The following MCCC2 variants were observed in gnomAD, a reference collection of about 807,000 sequenced individuals.
The protein encoded by MCCC2 is methylcrotonyl-CoA carboxylase subunit 2.
MCCC2 carries 52 observed loss-of-function variants against 77.2 expected under a neutral mutation model. The ratio of observed to expected loss-of-function variants is 0.67; its 90% CI spans 0.54 to 0.85. The LOEUF (loss-of-function observed/expected upper bound fraction) is 0.85, where lower values mean the gene tolerates loss of function less well. MCCC2 is among the 40% of genes least tolerant of loss of function. The probability of loss-of-function intolerance (pLI) is 0.00; values close to 1 mark genes in which losing one functional copy is unlikely to be tolerated. For synonymous variants in MCCC2, 253 were observed against 248.4 expected, an observed-to-expected ratio of 1.02 and a Z score of -0.18; for missense variants, 682 against 703.2, an observed-to-expected ratio of 0.97 and a Z score of 0.34.
In MCCC2 at chr5:71,612,362, G is replaced by T. The variant is rs556597174; in HGVS notation, c.624+7894G>T. Among the ~76,000 whole-genome samples, 67 of 152,186 alleles carry T rather than the reference G, an allele frequency of 4.4e-4. 1 individual carries two copies. The highest frequency in any genetic ancestry group is 1.6e-3 in the African/African-American group (67 of 41,494). ...TTTGATTTTTCTATCAACATAGTTGGTTGTAATTGTTTATGGTATATTTTA... is the reference window on the plus strand; with the variant it reads ...TTTGATTTTTCTATCAACATAGTTGTTTGTAATTGTTTATGGTATATTTTA... On this transcript the variant is annotated intron_variant, in intron 6 of 16. Coordinates refer to ENST00000340941, the MANE Select transcript of MCCC2 (RefSeq NM_022132.5).
In MCCC2 at chr5:71,608,783, G is replaced by A. The variant is rs1302276537; in HGVS notation, c.624+4315G>A. On this transcript the variant is annotated intron_variant, in intron 6 of 16. Coordinates refer to ENST00000340941, the MANE Select transcript of MCCC2 (RefSeq NM_022132.5). ...GGCCTGGTGGTGACAGAATCTCTCA[G>A]CATTTGCTTGTCTGTAAAGGATTTT... Among the ~76,000 whole-genome samples the A allele has an allele frequency of 1.3e-4, 20 of 152,182 alleles. No individual in the cohort carries two copies. The South Asian group carries it at 3.7e-3, about 28-fold the overall frequency.
chr5:71,633,999 A>T (rs771547424), intron 8 of MCCC2, among the ~76,000 whole-genome samples: 19 of 152,208 alleles, frequency 1.2e-4, no homozygotes, highest in Non-Finnish European at 2.5e-4. Context: ...CCCAGTCCTA[A>T]AGTAGAGTGT....
Position 71,656,923 on chromosome 5 carries a change from A to G in MCCC2, c.*63A>G. On this transcript the variant is annotated 3_prime_UTR_variant, in exon 17 of 17. Transcript: ENST00000340941. ...AAATTAACACATGTAGTAGCCTTAA[A>G]ATTTTAGACTTCTCGAACATGAGGC... 1 of 1,253,770 alleles carries G rather than the reference A, an allele frequency of 8.0e-7. No individual in the cohort carries two copies. The highest frequency in any genetic ancestry group is 1.2e-6 in the Non-Finnish European group (1 of 853,040). 77.7% of individuals were successfully genotyped at this position (1,253,770 alleles called of 1,614,324 possible).
intron 13 of MCCC2, among the ~76,000 whole-genome samples, 187 bp from the exon 14 acceptor site, chr5:71,648,910 T>C (rs1046976495): frequency 2.0e-5 from 3 of 152,258 alleles, no homozygotes; most frequent in Non-Finnish European, 4.4e-5. Flanking sequence ...AGAAAGTGAT[T>C]AGAGAAAATT....
rs886060738 is a variant in MCCC2, at chr5:71,652,752, A to T, written c.1572A>T (p.Ala524=). Residue 524 remains alanine (A), a splice_region_variant and synonymous_variant, in exon 16 of 17, where the codon GCA becomes GCT. Coordinates refer to ENST00000340941, the MANE Select transcript of MCCC2 (RefSeq NM_022132.5). ...EEEGNPYYSS[A]RVWDDGIIDP... Reference sequence around the variant, plus strand: ...AAGGAAACCCTTACTATTCCAGCGCAAGGTGGGGGCCAGAACATCACTAAC... The same window carrying T: ...AAGGAAACCCTTACTATTCCAGCGCTAGGTGGGGGCCAGAACATCACTAAC... The T allele has an allele frequency of 1.9e-6, 3 of 1,613,972 alleles. No individual in the cohort carries two copies. The highest frequency in any genetic ancestry group is 2.2e-5 in the East Asian group (1 of 44,886).
At chr5:71,597,660 A>G (rs915562079) in intron 3 of MCCC2, among the ~76,000 whole-genome samples, 6 of 152,190 alleles carry the variant, frequency 3.9e-5, no homozygotes, top group African/African-American at 1.4e-4. Context: ...GAAAACTCCC[A>G]AAGTATTTTT....
At chr5:71,641,169 C>A in intron 11 of MCCC2, 94 bp downstream of exon 11, 4 of 1,153,590 alleles carry the variant, frequency 3.5e-6, no homozygotes, top group Non-Finnish European at 5.2e-6. Context: ...TTGACATGGG[C>A]TTTGTTGTTG....
chr5:71,637,055 T>G (rs1746957899), intron 10 of MCCC2, among the ~76,000 whole-genome samples: 5 of 152,114 alleles, frequency 3.3e-5, no homozygotes, highest in African/African-American at 9.7e-5. Context: ...ATTAATACAT[T>G]CTTTTAAAAA....
chr5:71,607,275 A>G (rs1745720760), intron 6 of MCCC2, among the ~76,000 whole-genome samples: 1 of 152,058 alleles, frequency 6.6e-6, no homozygotes, highest in Non-Finnish European at 1.5e-5. Context: ...GTCTATTCAG[A>G]GATTCAACTT....
chr5:71,606,091 G>A (rs1456130315), intron 6 of MCCC2, among the ~76,000 whole-genome samples: 1 of 152,058 alleles, frequency 6.6e-6, no homozygotes, highest in African/African-American at 2.4e-5. Flanking sequence ...CTTTAAAGTA[G>A]TTTTTTCCAA....
Position 71,650,197 on chromosome 5 carries a change from T to C in MCCC2, c.1488+14T>C. On this transcript the variant is annotated intron_variant, in intron 15 of 16. Coordinates refer to ENST00000340941, the MANE Select transcript of MCCC2 (RefSeq NM_022132.5). Reference sequence around the variant, plus strand: ...GAAGGAAAGCAGGTCGGTGTCGTTTTCTCTTGTTTCTCTCTGGTTTTGCCT... The same window carrying C: ...GAAGGAAAGCAGGTCGGTGTCGTTTCCTCTTGTTTCTCTCTGGTTTTGCCT... 6.2e-7 allele frequency: 1 copy of C among 1,608,192 alleles called. No homozygotes were observed. Among genetic ancestry groups the C allele is most frequent in the Non-Finnish European group, 8.5e-7 (1 of 1,174,696 alleles).
chr5:71,650,007 G>A, intron 14 of MCCC2, 62 bp from the exon 15 acceptor site: 1 of 1,277,238 alleles, frequency 7.8e-7, no homozygotes, highest in Non-Finnish European at 1.1e-6. Context: ...GCAAACATGG[G>A]CCTCTGAAAA....
intron 7 of MCCC2, 39 bp downstream of exon 7, chr5:71,626,792 T>C (rs576125102): frequency 7.9e-6 from 12 of 1,510,224 alleles, no homozygotes; most frequent in African/African-American, 6.8e-5. Context: ...AAATTAAGTA[T>C]GCAGAACATA....
intron 6 of MCCC2, among the ~76,000 whole-genome samples, chr5:71,620,672 T>C (rs1348852751): frequency 1.3e-5 from 2 of 152,214 alleles, no homozygotes; most frequent in African/African-American, 4.8e-5. Flanking sequence ...TAGAGGGTAA[T>C]GAAATTCAAT....
At chr5:71,633,131 A>ATATATATT (rs1554137344) in intron 8 of MCCC2, among the ~76,000 whole-genome samples, 25 of 78,042 alleles carry the variant, frequency 3.2e-4, no homozygotes, top group African/African-American at 1.3e-3. Context: ...ATATATATAT[A>ATATATATT]TTTTTATTTT....
chr5:71,612,195 T>C (rs1210657002), intron 6 of MCCC2, among the ~76,000 whole-genome samples: 1 of 152,230 alleles, frequency 6.6e-6, no homozygotes, highest in Admixed American at 6.5e-5. Flanking sequence ...TGGATGTTTG[T>C]TATTCTGTAA....
At chr5:71,633,092 TA>T (rs1403372121) in intron 8 of MCCC2, among the ~76,000 whole-genome samples, 151 of 2,486 alleles carry the variant, frequency 0.061, 5 homozygotes, top group East Asian at 0.26. Flanking sequence ...TTTTCAGTTT[TA>T]TATATATATA....
In MCCC2 at chr5:71,646,287, T is replaced by C. The variant is rs777129152; in HGVS notation, c.1216+10T>C. 7.4e-6 allele frequency: 12 copies of C among 1,612,928 alleles called. No individual in the cohort carries two copies. The highest frequency in any genetic ancestry group is 2.2e-5 in the South Asian group (2 of 91,048). On this transcript the variant is annotated intron_variant, in intron 13 of 16. Coordinates refer to ENST00000340941, the MANE Select transcript of MCCC2 (RefSeq NM_022132.5). Reference sequence around the variant, plus strand: ...CTTCAAAACATTACTGGTAAGAAAATAGCTTAATCAGTTTGGTTGTATTGA... The same window carrying C: ...CTTCAAAACATTACTGGTAAGAAAACAGCTTAATCAGTTTGGTTGTATTGA...
In MCCC2 at chr5:71,604,355, G is replaced by A. The variant is rs1282502867; in HGVS notation, c.512-1G>A. The A allele has an allele frequency of 6.2e-7, 1 of 1,613,590 alleles. No homozygotes were observed. The highest frequency in any genetic ancestry group is 8.5e-7 in the Non-Finnish European group (1 of 1,179,512). On this transcript the variant is annotated splice_acceptor_variant, in intron 5 of 16. Transcript: ENST00000340941. LOFTEE classifies it high-confidence loss of function. ...TTATGTTTCTCATTTCTTGTCTTCAGTTGATTCGGGAGGAGCATACTTACC... is the reference window on the plus strand; with the variant it reads ...TTATGTTTCTCATTTCTTGTCTTCAATTGATTCGGGAGGAGCATACTTACC...
Sources: allele counts gnomAD v4.1 joint callset (sites outside exome capture counted in the v4.1 genomes callset), GRCh38; gene constraint gnomAD v4.1.1; transcripts MANE v1.5; gene names NCBI Gene and HGNC (gene_info 2026-07-23, HGNC 2026-07-21).